The following PCDHGC3 variants were observed in gnomAD, a reference collection of about 807,000 sequenced individuals.
PCDHGC3 encodes the protein protocadherin gamma subfamily C, 3.
In PCDHGC3, 26 loss-of-function variants were observed where a neutral mutation model predicts 59.2. The ratio of observed to expected loss-of-function variants is 0.44; its 90% CI spans 0.32 to 0.61. The LOEUF is 0.61. Among genes scored for constraint, PCDHGC3 ranks in the 20% least tolerant of loss-of-function variants. The pLI is 0.05. For synonymous variants in PCDHGC3, 487 were observed against 519.7 expected, an observed-to-expected ratio of 0.94 and a Z score of 0.86; for missense variants, 1,080 against 1,221.8, an observed-to-expected ratio of 0.88 and a Z score of 1.73.
rs2099612668 is a variant in PCDHGC3, at chr5:141,485,382, TGA to T, written c.2430+6837_2430+6838del. The T allele has an allele frequency of 6.2e-7, 1 of 1,613,538 alleles. No homozygotes were observed. The highest frequency in any genetic ancestry group is 8.5e-7 in the Non-Finnish European group (1 of 1,179,906). On this transcript the variant is annotated intron_variant, in intron 1 of 3. Coordinates refer to ENST00000308177, the MANE Select transcript of PCDHGC3 (RefSeq NM_002588.4). The surrounding 1 kb of genome is among the most constrained non-coding windows in gnomAD (Gnocchi z 5.7). ...CGCAGGCTGCAGGTCGCTGGAGAGG[TGA>T]ACCAAAGACACTTCCGTGTGGATTT...
chr5:141,486,137 G>A lies in PCDHGC3; in HGVS notation c.2430+7591G>A, dbSNP rs1187526031. 1 of 1,614,074 alleles carries A rather than the reference G, an allele frequency of 6.2e-7. No individual in the cohort carries two copies. On this transcript the variant is annotated intron_variant, in intron 1 of 3. Coordinates refer to ENST00000308177, the MANE Select transcript of PCDHGC3 (RefSeq NM_002588.4). The surrounding 1 kb of genome is among the most constrained non-coding windows in gnomAD (Gnocchi z 5.0). ...GAATTACTATGAATTTGATGTGCGGGCTCGCGATGGGGGTTCTCCAGCCAT... is the reference window on the plus strand; with the variant it reads ...GAATTACTATGAATTTGATGTGCGGACTCGCGATGGGGGTTCTCCAGCCAT...
Position 141,476,836 on chromosome 5 carries a change from T to G in PCDHGC3, c.720T>G (p.Asn240Lys). 1 of 1,613,652 alleles carries G rather than the reference T, an allele frequency of 6.2e-7. No homozygotes were observed. The highest frequency in any genetic ancestry group is 8.5e-7 in the Non-Finnish European group (1 of 1,180,042). The change falls in exon 1 of 4, where the codon AAT becomes AAG. Residue 240 changes from asparagine (N) to lysine (K), a missense_variant. Coordinates refer to ENST00000308177, the MANE Select transcript of PCDHGC3 (RefSeq NM_002588.4). The surrounding 1 kb of genome is among the most constrained non-coding windows in gnomAD (Gnocchi z 7.6). ...TCAAGGTGCTGGACGCGAATGACAATGCGCCTGTCTTCAACCAGTCCTTGT... is the reference window on the plus strand; with the variant it reads ...TCAAGGTGCTGGACGCGAATGACAAGGCGCCTGTCTTCAACCAGTCCTTGT... The part of the protein sequence containing the change: ...IHIKVLDAND[N>K]APVFNQSLYR...
intron 2 of PCDHGC3, among the ~76,000 whole-genome samples, chr5:141,503,608 AAAAAAAG>A (rs1483073868): frequency 3.3e-5 from 5 of 151,876 alleles, no homozygotes; most frequent in South Asian, 2.1e-4. Context: ...CAAAAAAAAA[AAAAAAAG>A]AAAAAAGAAA....
intron 1 of PCDHGC3, chr5:141,492,073 G>C (rs2099736846): frequency 6.2e-6 from 3 of 480,898 alleles, no homozygotes; most frequent in Non-Finnish European, 1.1e-5. Flanking sequence ...CCTAGGCGCC[G>C]GCTCCGGCAC....
chr5:141,481,179 T>C (rs115525079), intron 1 of PCDHGC3, among the ~76,000 whole-genome samples: 16 of 152,358 alleles, frequency 1.1e-4, no homozygotes, highest in African/African-American at 3.6e-4. Flanking sequence ...TCCAGCTTTA[T>C]TGGGCCAGGC....
At chr5:141,481,180 T>C (rs1354907506) in intron 1 of PCDHGC3, among the ~76,000 whole-genome samples, 1 of 152,236 alleles carries the variant, frequency 6.6e-6, no homozygotes, top group Admixed American at 6.5e-5. Flanking sequence ...CCAGCTTTAT[T>C]GGGCCAGGCC....
chr5:141,486,271 C>T lies in PCDHGC3; in HGVS notation c.2430+7725C>T. 1 of 1,614,086 alleles carries T rather than the reference C, an allele frequency of 6.2e-7. No homozygotes were observed. Among genetic ancestry groups the T allele is most frequent in the Non-Finnish European group, 8.5e-7 (1 of 1,179,994 alleles). ...CCCTCCCCGAGAGTGCAGAACCTGG[C>T]ACTGTGGTGGCACTTATCAGTGTGC... On this transcript the variant is annotated intron_variant, in intron 1 of 3. Coordinates refer to ENST00000308177, the MANE Select transcript of PCDHGC3 (RefSeq NM_002588.4). The surrounding 1 kb of genome is among the most constrained non-coding windows in gnomAD (Gnocchi z 5.0).
chr5:141,495,300 C>T (rs1249195819), intron 2 of PCDHGC3, among the ~76,000 whole-genome samples: 1 of 152,204 alleles, frequency 6.6e-6, no homozygotes, highest in Non-Finnish European at 1.5e-5. Context: ...AGCGCCTCCT[C>T]CAGAGCCTCC....
Position 141,477,782 on chromosome 5 carries a change from T to G in PCDHGC3, c.1666T>G (p.Phe556Val), listed in dbSNP as rs763675478. 1.2e-5 allele frequency: 20 copies of G among 1,613,902 alleles called. No individual in the cohort carries two copies. Among genetic ancestry groups the G allele is most frequent in the Non-Finnish European group, 1.7e-5 (20 of 1,180,042 alleles). ...VLATNISVNI[F>V]VTDRNDNAPQ... ...AGCCACCAACATCAGCGTGAACATA[T>G]TTGTCACTGATCGCAATGACAATGC... Residue 556 changes from phenylalanine to valine, a missense_variant, in exon 1 of 4, where the codon TTT becomes GTT. Physicochemically the swap from Phe to Val is conservative, Grantham distance 50. Coordinates refer to ENST00000308177, the MANE Select transcript of PCDHGC3 (RefSeq NM_002588.4). The surrounding 1 kb of genome is among the most constrained non-coding windows in gnomAD (Gnocchi z 4.9).
In PCDHGC3 at chr5:141,505,574, CCT is replaced by C. The variant is rs562555098; in HGVS notation, c.2578+94_2578+95del. 5.3e-5 allele frequency: 85 copies of C among 1,593,636 alleles called. No individual in the cohort carries two copies. The African/African-American group carries it at 1.0e-3, about 20-fold the overall frequency. On this transcript the variant is annotated intron_variant, in intron 3 of 3. Coordinates refer to ENST00000308177, the MANE Select transcript of PCDHGC3 (RefSeq NM_002588.4). ...CCATGCCCACGGACTGGATGTCAAACCTGTGTAGTTTCTCCAGATCTTTCGGC... is the reference window on the plus strand; with the variant it reads ...CCATGCCCACGGACTGGATGTCAAACGTGTAGTTTCTCCAGATCTTTCGGC...
rs537619617 is a variant in PCDHGC3 at position 141,483,429 on chromosome 5, C to G, written c.2430+4883C>G. On this transcript the variant is annotated intron_variant, in intron 1 of 3. Coordinates refer to ENST00000308177, the MANE Select transcript of PCDHGC3 (RefSeq NM_002588.4). ...ACAGTGGCAGTACAGATGGAGGGAGCTGACTACAATAAAATCATCAGGACT... is the reference window on the plus strand; with the variant it reads ...ACAGTGGCAGTACAGATGGAGGGAGGTGACTACAATAAAATCATCAGGACT... Among the ~76,000 whole-genome samples the G allele has an allele frequency of 5.3e-5, 8 of 152,158 alleles. No individual in the cohort carries two copies. In the East Asian group the frequency reaches 1.5e-3, roughly 29 times the overall value.
chr5:141,477,298 T>C lies in PCDHGC3; in HGVS notation c.1182T>C (p.Gly394=). ...TGGTGACCTGCGAAGTTCCACCGGG[T>C]CTCCCTTTCAGCCTTACTTCTTCCC... The part of the protein sequence containing the change: ...NGLVTCEVPP[G]LPFSLTSSLK... The change falls in exon 1 of 4, where the codon GGT becomes GGC. Residue 394 remains glycine (G), a synonymous_variant. Coordinates refer to ENST00000308177, the MANE Select transcript of PCDHGC3 (RefSeq NM_002588.4). This position sits in a 1 kb window ranked among gnomAD's most constrained non-coding sequence, Gnocchi z 4.9. 1 of 1,613,344 alleles carries C rather than the reference T, an allele frequency of 6.2e-7. No individual in the cohort carries two copies. Among genetic ancestry groups the C allele is most frequent in the Non-Finnish European group, 8.5e-7 (1 of 1,179,870 alleles).
Position 141,490,849 on chromosome 5 carries a change from C to T in PCDHGC3, c.2431-3958C>T, listed in dbSNP as rs200640560. The stretch of plus-strand genomic sequence containing the variant: ...GATGCTGCAGATTGTGGTGGGGGTT[C>T]GAGACTCCGGCTCTCCCCCATTGCA... On this transcript the variant is annotated intron_variant, in intron 1 of 3. Coordinates refer to ENST00000308177, the MANE Select transcript of PCDHGC3 (RefSeq NM_002588.4). This position sits in a 1 kb window ranked among gnomAD's most constrained non-coding sequence, Gnocchi z 5.4. The T allele has an allele frequency of 1.3e-5, 21 of 1,613,748 alleles. No individual in the cohort carries two copies. Among genetic ancestry groups the T allele is most frequent in the Admixed American group, 1.7e-5 (1 of 60,022 alleles).
At chr5:141,510,272 T>TAAAA (rs546154379) in intron 3 of PCDHGC3, among the ~76,000 whole-genome samples, 4 of 130,388 alleles carry the variant, frequency 3.1e-5, no homozygotes, top group Non-Finnish European at 4.9e-5. Context: ...GACTCCATCT[T>TAAAA]AAAAAAAAAA....
At chr5:141,505,044 C>G (rs1446394128) in intron 2 of PCDHGC3, among the ~76,000 whole-genome samples, 3 of 152,156 alleles carry the variant, frequency 2.0e-5, no homozygotes, top group African/African-American at 7.2e-5. Context: ...TGCCTGTCAT[C>G]CCAGCTACTT....
Position 141,490,142 on chromosome 5 carries a change from C to A in PCDHGC3, c.2431-4665C>A. On this transcript the variant is annotated intron_variant, in intron 1 of 3. Coordinates refer to ENST00000308177, the MANE Select transcript of PCDHGC3 (RefSeq NM_002588.4). This position sits in a 1 kb window ranked among gnomAD's most constrained non-coding sequence, Gnocchi z 5.4. The stretch of plus-strand genomic sequence containing the variant: ...TTTGGCCTAGACCCTAGCAGTGGGG[C>A]AATCCATGTGTTGGGTCCCATAGAC... The A allele has an allele frequency of 1.9e-6, 3 of 1,614,220 alleles. No individual in the cohort carries two copies. The highest frequency in any genetic ancestry group is 2.7e-5 in the African/African-American group (2 of 75,060).
At position 141,478,456 on chromosome 5, in the gene PCDHGC3, T is replaced by A. The variant is rs371773090; in HGVS notation, c.2340T>A (p.Ser780Arg). Reference sequence around the variant, plus strand: ...TGCTGAAGAAACCTGGTGCAGCCAGTCCACTGGCCAGCCGCCAGAACACGC... The same window carrying A: ...TGCTGAAGAAACCTGGTGCAGCCAGACCACTGGCCAGCCGCCAGAACACGC... ...DPLLKKPGAA[S>R]PLASRQNTLR... is the part of the protein sequence containing the mutation. The change falls in exon 1 of 4, where the codon AGT becomes AGA. Residue 780 changes from serine (S) to arginine (R), a missense_variant. Coordinates refer to ENST00000308177, the MANE Select transcript of PCDHGC3 (RefSeq NM_002588.4). 3.1e-6 allele frequency: 5 copies of A among 1,613,366 alleles called. No individual in the cohort carries two copies. Among genetic ancestry groups the A allele is most frequent in the African/African-American group, 2.7e-5 (2 of 74,940 alleles).
rs750487479 is a variant in PCDHGC3, at chr5:141,478,242, T to C, written c.2126T>C (p.Val709Ala). The change falls in exon 1 of 4, where the codon GTG (valine) becomes GCG (alanine). Residue 709 changes from valine (V) to alanine (A), a missense_variant. By Grantham distance (64) the Val-to-Ala change is moderately conservative. Coordinates refer to ENST00000308177, the MANE Select transcript of PCDHGC3 (RefSeq NM_002588.4). ...GTTTCTGTGGGGTTTGTGGTCACAGTGTTCGGAGTAATCATATTCAAAGTT... is the reference window on the plus strand; with the variant it reads ...GTTTCTGTGGGGTTTGTGGTCACAGCGTTCGGAGTAATCATATTCAAAGTT... Reference protein sequence around the residue: ...ILVSVGFVVTVFGVIIFKVYK... With the variant: ...ILVSVGFVVTAFGVIIFKVYK... 6.2e-7 allele frequency: 1 copy of C among 1,614,156 alleles called. No homozygotes were observed. The highest frequency in any genetic ancestry group is 1.7e-5 in the Admixed American group (1 of 60,034).
intron 3 of PCDHGC3, among the ~76,000 whole-genome samples, chr5:141,506,925 A>G (rs1287267937): frequency 1.3e-5 from 2 of 152,152 alleles, no homozygotes; most frequent in African/African-American, 4.8e-5. Context: ...ATACTAAACA[A>G]ACTTTAGGGG....
Sources: allele counts gnomAD v4.1 joint callset (sites outside exome capture counted in the v4.1 genomes callset), GRCh38; gene constraint gnomAD v4.1.1; non-coding constraint Gnocchi (gnomAD v3.1); transcripts MANE v1.5; gene names NCBI Gene and HGNC (gene_info 2026-07-23, HGNC 2026-07-21).